ATRNL1: variants seen among roughly 807,000 people sequenced by gnomAD.
The protein encoded by ATRNL1 is attractin-like protein 1.
Under a neutral mutation model 182.7 loss-of-function variants are expected in ATRNL1, and 95 were observed. The ratio of observed to expected loss-of-function variants is 0.52; its 90% CI spans 0.44 to 0.62. The LOEUF (loss-of-function observed/expected upper bound fraction) is 0.62, where lower values mean the gene tolerates loss of function less well. ATRNL1 is among the 20% of genes least tolerant of loss of function. The pLI is 0.00. For missense variants in ATRNL1, 1,471 were observed against 1,679.5 expected (o/e 0.88, Z 2.17); for synonymous variants, 576 against 568.3 (o/e 1.01, Z -0.19).
At position 115,901,821 on chromosome 10, in the gene ATRNL1, A is replaced by G. The variant is rs112167145; in HGVS notation, c.4019-42837A>G. Reference sequence around the variant, plus strand: ...GCTAAAAAACATCATGTTTTGAACTATCATTTTTTGACTCGGTAATCATGA... The same window carrying G: ...GCTAAAAAACATCATGTTTTGAACTGTCATTTTTTGACTCGGTAATCATGA... On this transcript the variant is annotated intron_variant, in intron 28 of 28. Transcript: ENST00000355044. Among the ~76,000 whole-genome samples, 273 of 151,786 alleles carry G rather than the reference A, an allele frequency of 1.8e-3. 1 individual carries two copies. The highest frequency in any genetic ancestry group is 5.8e-3 in the African/African-American group (238 of 41,390).
At chr10:115,409,438 TCAG>T (rs1285603093) in intron 20 of ATRNL1, among the ~76,000 whole-genome samples, 3 of 152,206 alleles carry the variant, frequency 2.0e-5, no homozygotes, top group African/African-American at 7.2e-5. Flanking sequence ...GTGAATTCAT[TCAG>T]CAGTTCTATT....
intron 20 of ATRNL1, among the ~76,000 whole-genome samples, chr10:115,408,282 C>CA (rs1844958565): frequency 6.6e-6 from 1 of 152,100 alleles, no homozygotes; most frequent in African/African-American, 2.4e-5. Context: ...GGATTACAGG[C>CA]GTGAGCCACC....
intron 19 of ATRNL1, among the ~76,000 whole-genome samples, chr10:115,367,080 G>A (rs11197185): frequency 0.14 from 13,271 of 97,598 alleles, 1,347 homozygotes; most frequent in Non-Finnish European, 0.21. Flanking sequence ...TGCTAGATTG[G>A]GGAAGTTCTC....
chr10:115,798,068 C>G (rs1949699593), intron 27 of ATRNL1, among the ~76,000 whole-genome samples: 1 of 152,194 alleles, frequency 6.6e-6, no homozygotes, highest in Admixed American at 6.5e-5. Context: ...CAGGCACCTG[C>G]CACCACGCCC....
At chr10:115,329,532 A>G (rs968283974) in intron 18 of ATRNL1, among the ~76,000 whole-genome samples, 12 of 152,166 alleles carry the variant, frequency 7.9e-5, no homozygotes, top group Middle Eastern at 3.4e-3. Flanking sequence ...CTTTGGATCT[A>G]TTAATGTTTG....
intron 19 of ATRNL1, among the ~76,000 whole-genome samples, chr10:115,384,443 G>GT (rs1366704837): frequency 1.7e-4 from 26 of 150,770 alleles, no homozygotes; most frequent in East Asian, 5.8e-4. Flanking sequence ...AAATATAAGG[G>GT]TTTTTTTTTC....
chr10:115,406,558 G>A (rs1399094130), intron 20 of ATRNL1, among the ~76,000 whole-genome samples: 1 of 152,050 alleles, frequency 6.6e-6, no homozygotes, highest in Non-Finnish European at 1.5e-5. Flanking sequence ...TGACACTTCT[G>A]ATAGATGTGT....
chr10:115,387,201 A>G (rs1858412324), intron 19 of ATRNL1, among the ~76,000 whole-genome samples: 1 of 152,150 alleles, frequency 6.6e-6, no homozygotes, highest in South Asian at 2.1e-4. Flanking sequence ...TCTTAAGATC[A>G]GATGAGTAAA....
intron 27 of ATRNL1, among the ~76,000 whole-genome samples, chr10:115,795,436 C>G (rs1375776463): frequency 6.6e-6 from 1 of 152,122 alleles, no homozygotes; most frequent in Non-Finnish European, 1.5e-5. Context: ...TGTGACCAGT[C>G]TCCTGGTCTC....
chr10:115,777,219 G>A (rs1949149101), intron 27 of ATRNL1, among the ~76,000 whole-genome samples: 1 of 151,910 alleles, frequency 6.6e-6, no homozygotes, highest in Non-Finnish European at 1.5e-5. Context: ...TGAAATGTTG[G>A]GAAAAACAAA....
At position 115,891,998 on chromosome 10, in the gene ATRNL1, C is replaced by T. The variant is rs549471936; in HGVS notation, c.4018+44007C>T. Among the ~76,000 whole-genome samples, 31 of 152,196 alleles carry T rather than the reference C, an allele frequency of 2.0e-4. 1 individual carries two copies. The South Asian group carries it at 6.4e-3, about 32-fold the overall frequency. On this transcript the variant is annotated intron_variant, in intron 28 of 28. Transcript: ENST00000355044. ...AGATGCAGGGTAAGAAAAGCAAAACCAGCTTCATGATATCTGTGATCAAGA... is the reference window on the plus strand; with the variant it reads ...AGATGCAGGGTAAGAAAAGCAAAACTAGCTTCATGATATCTGTGATCAAGA...
chr10:115,232,015 C>A (rs1849975090), intron 9 of ATRNL1, among the ~76,000 whole-genome samples: 1 of 152,022 alleles, frequency 6.6e-6, no homozygotes, highest in Admixed American at 6.6e-5. Flanking sequence ...ATATTTTCTG[C>A]CTTACTGTGG....
chr10:115,379,744 A>G (rs1857884190), intron 19 of ATRNL1, among the ~76,000 whole-genome samples: 1 of 152,200 alleles, frequency 6.6e-6, no homozygotes, highest in Admixed American at 6.5e-5. Context: ...TAATTCTCAC[A>G]TCTTATGTTC....
At chr10:115,323,505 C>T (rs1050841533) in intron 18 of ATRNL1, among the ~76,000 whole-genome samples, 25 of 142,708 alleles carry the variant, frequency 1.8e-4, no homozygotes, top group African/African-American at 4.4e-4. Flanking sequence ...AGTGCAGTGG[C>T]GCAATCTCAG....
intron 27 of ATRNL1, among the ~76,000 whole-genome samples, chr10:115,847,011 T>TATC (rs1370362474): frequency 1.3e-5 from 2 of 151,884 alleles, no homozygotes; most frequent in Non-Finnish European, 2.9e-5. Flanking sequence ...TAGCTATTAC[T>TATC]ATTATTATTA....
intron 25 of ATRNL1, among the ~76,000 whole-genome samples, chr10:115,537,251 C>T (rs782020415): frequency 3.9e-5 from 6 of 152,294 alleles, no homozygotes; most frequent in African/African-American, 9.6e-5. Flanking sequence ...TGAGGTTTAT[C>T]GTACTAGACA....
At chr10:115,291,084 A>C (rs998808328) in intron 15 of ATRNL1, among the ~76,000 whole-genome samples, 2 of 152,206 alleles carry the variant, frequency 1.3e-5, no homozygotes, top group Middle Eastern at 3.2e-3. Context: ...CTCTGTCTGC[A>C]GCTCAATTTC....
intron 25 of ATRNL1, among the ~76,000 whole-genome samples, chr10:115,523,719 A>G (rs2133715615): frequency 6.6e-6 from 1 of 152,318 alleles, no homozygotes; most frequent in South Asian, 2.1e-4. Context: ...TTTACTGTCT[A>G]TATTTCAATC....
chr10:115,459,123 T>G (rs1166792335), intron 21 of ATRNL1, among the ~76,000 whole-genome samples: 7 of 152,192 alleles, frequency 4.6e-5, no homozygotes, highest in Admixed American at 4.6e-4. Flanking sequence ...TTGTCTTTGC[T>G]TTAATCTCTT....
Sources: gnomAD v4.1 joint callset for allele counts (sites outside exome capture counted in the v4.1 genomes callset) on GRCh38, gnomAD v4.1.1 for gene constraint, MANE v1.5 for transcripts, NCBI Gene and HGNC (gene_info 2026-07-23, HGNC 2026-07-21) for gene names.